The following LRRIQ4 variants were observed in gnomAD, a reference collection of about 807,000 sequenced individuals.
The protein encoded by LRRIQ4 is leucine rich repeats and IQ motif containing 4.
Under a neutral mutation model 40.1 loss-of-function variants are expected in LRRIQ4, and 21 were observed. The ratio of observed to expected loss-of-function variants is 0.52; its 90% CI spans 0.37 to 0.75. The LOEUF (loss-of-function observed/expected upper bound fraction) is 0.75, where lower values mean the gene tolerates loss of function less well. Ranked by LOEUF, LRRIQ4 falls within the 30% of genes least tolerant of loss-of-function variation. LRRIQ4 has a pLI of 0.00. For missense variants in LRRIQ4, 655 were observed against 660.0 expected (o/e 0.99, Z 0.08); for synonymous variants, 277 against 277.1 (o/e 1.00, Z 0.00).
chr3:169,826,674 T>G (rs1184954368), intron 2 of LRRIQ4, among the ~76,000 whole-genome samples: 1 of 152,172 alleles, frequency 6.6e-6, no homozygotes, highest in African/African-American at 2.4e-5. Flanking sequence ...AGAATGAAAT[T>G]TCTAGGTTAT....
chr3:169,813,693 C>T (rs1190835559), intron 1 of LRRIQ4, among the ~76,000 whole-genome samples: 2 of 152,196 alleles, frequency 1.3e-5, no homozygotes, highest in Non-Finnish European at 2.9e-5. Flanking sequence ...AAATTTGTAA[C>T]GGGGTCTTTG....
chr3:169,815,999 T>C (rs911032269), intron 1 of LRRIQ4, among the ~76,000 whole-genome samples: 1 of 152,236 alleles, frequency 6.6e-6, no homozygotes, highest in East Asian at 1.9e-4. Context: ...CACTTGGTCA[T>C]GATGAATGAT....
At chr3:169,834,914 C>T (rs898148568) in intron 5 of LRRIQ4, among the ~76,000 whole-genome samples, 11 of 151,880 alleles carry the variant, frequency 7.2e-5, no homozygotes, top group African/African-American at 2.7e-4. Flanking sequence ...AAATTTCTTA[C>T]AAATTTTAAT....
At chr3:169,813,929 G>C (rs1441237216) in intron 1 of LRRIQ4, among the ~76,000 whole-genome samples, 2 of 152,220 alleles carry the variant, frequency 1.3e-5, no homozygotes, top group Non-Finnish European at 2.9e-5. Flanking sequence ...GGGGCACGTG[G>C]GCTCCGAACT....
chr3:169,822,841 T>C lies in LRRIQ4; in HGVS notation c.920T>C (p.Phe307Ser). 2 of 1,613,244 alleles carry C rather than the reference T, an allele frequency of 1.2e-6. No homozygotes were observed. The highest frequency in any genetic ancestry group is 1.7e-6 in the Non-Finnish European group (2 of 1,179,536). ...TTCAGGTGCCTGGTCAACTTGCGCTTCCTGGACCTAAGCCAGAACCATCTG... is the reference window on the plus strand; with the variant it reads ...TTCAGGTGCCTGGTCAACTTGCGCTCCCTGGACCTAAGCCAGAACCATCTG... ...GSFRCLVNLRFLDLSQNHLHH... is the reference protein window; with the variant it reads ...GSFRCLVNLRSLDLSQNHLHH... Residue 307 changes from phenylalanine (F) to serine (S), a missense_variant, in exon 2 of 6, where the codon TTC becomes TCC. By Grantham distance (155) the Phe-to-Ser change is radical. Coordinates refer to ENST00000340806, the MANE Select transcript of LRRIQ4 (RefSeq NM_001080460.3).
At chr3:169,813,068 A>T (rs1474461916) in intron 1 of LRRIQ4, 22 bp downstream of exon 1, 1 of 153,082 alleles carries the variant, frequency 6.5e-6, no homozygotes, top group Non-Finnish European at 1.5e-5. Context: ...TACTCAGATC[A>T]GTACAGACAG....
chr3:169,824,405 T>C (rs1779993661), intron 2 of LRRIQ4, among the ~76,000 whole-genome samples: 1 of 152,144 alleles, frequency 6.6e-6, no homozygotes, highest in African/African-American at 2.4e-5. Flanking sequence ...TTAATTGCAG[T>C]ATTTCATTTT....
rs142144212 is a variant in LRRIQ4 at position 169,831,902 on chromosome 3, G to A, written c.1334-1085G>A. On this transcript the variant is annotated intron_variant, in intron 4 of 5. Coordinates refer to ENST00000340806, the MANE Select transcript of LRRIQ4 (RefSeq NM_001080460.3). Reference sequence around the variant, plus strand: ...GAATTGCTTGAATCCGGGAGGCAGAGGTTGCAGTGAGCTGAGATTGCACCA... The same window carrying A: ...GAATTGCTTGAATCCGGGAGGCAGAAGTTGCAGTGAGCTGAGATTGCACCA... 6.0e-3 allele frequency among the ~76,000 whole-genome samples: 916 copies of A among 151,520 alleles called. 18 individuals are homozygous for A. The highest frequency in any genetic ancestry group is 0.055 in the East Asian group (278 of 5,042).
At chr3:169,821,829 A>T in intron 1 of LRRIQ4, 62 bp from the exon 2 acceptor site, 1 of 812,968 alleles carries the variant, frequency 1.2e-6, no homozygotes, top group Non-Finnish European at 1.8e-6. Context: ...ATTTTTCTTA[A>T]GGATAGCAAG....
At position 169,836,295 on chromosome 3, in the gene LRRIQ4, GGC is replaced by G. The variant is rs796608861; in HGVS notation, c.1531-1183_1531-1182del. Among the ~76,000 whole-genome samples the G allele has an allele frequency of 5.4e-4, 82 of 152,156 alleles. 1 individual carries two copies. Among genetic ancestry groups the G allele is most frequent in the African/African-American group, 1.9e-3 (78 of 41,528 alleles). ...TCAGAGTAGGCCTCACTGAAAAAAT[GGC>G]AGTCTTAGCTTAGGCTGCCACAACA... On this transcript the variant is annotated intron_variant, in intron 5 of 5. Coordinates refer to ENST00000340806, the MANE Select transcript of LRRIQ4 (RefSeq NM_001080460.3).
At chr3:169,835,702 G>A (rs974289753) in intron 5 of LRRIQ4, among the ~76,000 whole-genome samples, 4 of 152,108 alleles carry the variant, frequency 2.6e-5, no homozygotes, top group African/African-American at 9.7e-5. Context: ...CCTCTAGAGA[G>A]CAGTGCTGTT....
At chr3:169,825,298 G>A (rs781588950) in intron 2 of LRRIQ4, among the ~76,000 whole-genome samples, 1 of 152,140 alleles carries the variant, frequency 6.6e-6, no homozygotes, top group Non-Finnish European at 1.5e-5. Context: ...GAGCCACTGT[G>A]CCCGGCTGCT....
intron 2 of LRRIQ4, among the ~76,000 whole-genome samples, chr3:169,823,922 T>C (rs945995797): frequency 1.3e-5 from 2 of 152,190 alleles, no homozygotes; most frequent in Non-Finnish European, 2.9e-5. Context: ...CGAAGTTATA[T>C]AGTAATTTAA....
chr3:169,830,184 G>A (rs576590390), intron 3 of LRRIQ4, among the ~76,000 whole-genome samples: 4 of 152,068 alleles, frequency 2.6e-5, no homozygotes, highest in Non-Finnish European at 4.4e-5. Context: ...GATAAATGTA[G>A]TTAAATTATT....
At chr3:169,814,304 C>T (rs577484710) in intron 1 of LRRIQ4, among the ~76,000 whole-genome samples, 1 of 138,846 alleles carries the variant, frequency 7.2e-6, no homozygotes, top group African/African-American at 2.7e-5. Context: ...GGCCAAATTC[C>T]CCTCGGTCTA....
intron 3 of LRRIQ4, 87 bp from the exon 4 acceptor site, chr3:169,830,405 A>G (rs1176473542): frequency 7.0e-6 from 4 of 571,288 alleles, no homozygotes; most frequent in Non-Finnish European, 4.9e-6. Context: ...AAAAAAAAAA[A>G]AAAATGCATG....
intron 1 of LRRIQ4, among the ~76,000 whole-genome samples, chr3:169,819,575 C>T (rs1174016633): frequency 2.0e-5 from 3 of 152,144 alleles, no homozygotes; most frequent in East Asian, 1.9e-4. Flanking sequence ...TTCCTGTAAA[C>T]GAGTGATGTT....
chr3:169,814,643 G>A (rs1261226346), intron 1 of LRRIQ4, among the ~76,000 whole-genome samples: 1 of 151,928 alleles, frequency 6.6e-6, no homozygotes, highest in Non-Finnish European at 1.5e-5. Context: ...CCCCCACTAC[G>A]CCCAGCTAAT....
In LRRIQ4 at chr3:169,822,566, G is replaced by C; in HGVS notation, c.645G>C (p.Lys215Asn). The stretch of plus-strand genomic sequence containing the variant: ...TCGGACACCTGACGGGGCTGCAGAA[G>C]TTCTATATGGCTTCTAACAACCTTC... Reference protein sequence around the residue: ...EEIGHLTGLQKFYMASNNLPV... With the variant: ...EEIGHLTGLQNFYMASNNLPV... Residue 215 changes from lysine to asparagine, a missense_variant, in exon 2 of 6, where the codon AAG becomes AAC. By Grantham distance (94) the Lys-to-Asn change is moderately conservative. Transcript: ENST00000340806. The C allele has an allele frequency of 6.2e-7, 1 of 1,614,006 alleles. No individual in the cohort carries two copies. Among genetic ancestry groups the C allele is most frequent in the Non-Finnish European group, 8.5e-7 (1 of 1,179,886 alleles).
Sources: allele counts gnomAD v4.1 joint callset (sites outside exome capture counted in the v4.1 genomes callset), GRCh38; gene constraint gnomAD v4.1.1; transcripts MANE v1.5; gene names NCBI Gene and HGNC (gene_info 2026-07-23, HGNC 2026-07-21).